Variants in ATAD3B observed in about 807,000 individuals in gnomAD.
The protein encoded by ATAD3B is ATPase family AAA domain-containing protein 3B.
Under a neutral mutation model 70.2 loss-of-function variants are expected in ATAD3B, and 59 were observed. That is an observed-to-expected ratio of 0.84 (90% confidence interval 0.68 to 1.04). The LOEUF (loss-of-function observed/expected upper bound fraction) is 1.04, where lower values mean the gene tolerates loss of function less well. Among genes scored for constraint, ATAD3B ranks in the 50% least tolerant of loss-of-function variants. ATAD3B has a pLI of 0.00. For missense variants in ATAD3B, 961 were observed against 913.4 expected (o/e 1.05, Z -0.67); for synonymous variants, 423 against 388.6 (o/e 1.09, Z -1.04).
intron 8 of ATAD3B, 63 bp from the exon 9 acceptor site, chr1:1,485,719 G>C: frequency 6.2e-7 from 1 of 1,605,038 alleles, no homozygotes; most frequent in Non-Finnish European, 8.5e-7. Flanking sequence ...ATGTGTGTGC[G>C]TTGGTGGCTG....
At chr1:1,474,438 C>G (rs1173150069) in intron 1 of ATAD3B, among the ~76,000 whole-genome samples, 1 of 151,776 alleles carries the variant, frequency 6.6e-6, no homozygotes. Flanking sequence ...GATCCACCCG[C>G]CTCGGCCACC....
intron 13 of ATAD3B, chr1:1,489,683 C>G: frequency 1.5e-6 from 2 of 1,317,610 alleles, no homozygotes; most frequent in Non-Finnish European, 2.0e-6. Flanking sequence ...GTCTCCTGGG[C>G]CCCTCCAGCC....
At chr1:1,474,874 G>A (rs1424588575) in intron 1 of ATAD3B, among the ~76,000 whole-genome samples, 16 of 151,194 alleles carry the variant, frequency 1.1e-4, no homozygotes, top group African/African-American at 2.5e-4. Flanking sequence ...GGAGGACAGC[G>A]GATGTTGGTG....
chr1:1,478,517 G>T lies in ATAD3B; in HGVS notation c.283-127G>T, dbSNP rs1482244841. On this transcript the variant is annotated intron_variant, in intron 2 of 15. Transcript: ENST00000673477. ...GGGTGCAGATGCAGCTGGAAGCCCT[G>T]AACCTGCTGCACACACTAGTCTGGG... The T allele has an allele frequency of 1.3e-4, 207 of 1,549,772 alleles. 4 individuals are homozygous for T. The highest frequency in any genetic ancestry group is 1.7e-4 in the Non-Finnish European group (192 of 1,145,958).
At position 1,488,059 on chromosome 1, in the gene ATAD3B, G is replaced by T. The variant is rs78271070; in HGVS notation, c.1266+145G>T. On this transcript the variant is annotated intron_variant, in intron 12 of 15. Coordinates refer to ENST00000673477, the MANE Select transcript of ATAD3B (RefSeq NM_031921.6). ...AACCTCTGCCTCCTGGGTTCAAGCT[G>T]CTCTCCTGCCTCAGCCCCCTGAGTA... is the stretch of plus-strand genomic sequence containing the variant. The T allele has an allele frequency of 5.0e-6, 6 of 1,191,464 alleles. No homozygotes were observed. In the African/African-American group the frequency reaches 5.9e-5, roughly 12 times the overall value. 73.8% of individuals were successfully genotyped at this position (1,191,464 alleles called of 1,614,324 possible). A position where few individuals can be genotyped will look rare whatever the true frequency, so the allele number is the denominator to read the frequency against.
intron 1 of ATAD3B, among the ~76,000 whole-genome samples, chr1:1,472,947 C>G (rs938888929): frequency 5.3e-5 from 8 of 151,460 alleles, no homozygotes; most frequent in African/African-American, 1.5e-4. Flanking sequence ...CGCAGCCTCT[C>G]GAGTAGCTGG....
At chr1:1,502,666 C>T (rs910809266), downstream of ATAD3B, among the ~76,000 whole-genome samples, 9 of 151,364 alleles carry the variant, frequency 5.9e-5, no homozygotes, top group Non-Finnish European at 1.3e-4. Context: ...CACAGGCCGA[C>T]ATGCCCGGCT....
intron 15 of ATAD3B, among the ~76,000 whole-genome samples, chr1:1,493,638 T>A (rs1343579162): frequency 6.6e-6 from 1 of 151,656 alleles, no homozygotes; most frequent in Non-Finnish European, 1.5e-5. Context: ...TTTTTTTTAA[T>A]CATAAAAGTG....
chr1:1,485,966 A>G, intron 9 of ATAD3B, 128 bp downstream of exon 9: 1 of 1,593,640 alleles, frequency 6.3e-7, no homozygotes, highest in Non-Finnish European at 8.6e-7. Flanking sequence ...AACTGCTTGG[A>G]CTGTGCCGGG....
Position 1,477,306 on chromosome 1 carries a change from A to T in ATAD3B, c.238A>T (p.Met80Leu). Residue 80 changes from methionine to leucine, a missense_variant, in exon 2 of 16, where the codon ATG becomes TTG. Transcript: ENST00000673477. Reference protein sequence around the residue: ...YAKEALNLAQMQEQTLQLEQQ... With the variant: ...YAKEALNLAQLQEQTLQLEQQ... Reference sequence around the variant, plus strand: ...CAAGGAGGCCCTGAATCTGGCGCAGATGCAGGAGCAGACGCTGCAGTTGGA... The same window carrying T: ...CAAGGAGGCCCTGAATCTGGCGCAGTTGCAGGAGCAGACGCTGCAGTTGGA... 6.2e-7 allele frequency: 1 copy of T among 1,612,426 alleles called. No homozygotes were observed. Among genetic ancestry groups the T allele is most frequent in the Non-Finnish European group, 8.5e-7 (1 of 1,179,732 alleles).
Position 1,495,671 on chromosome 1 carries a change from G to C in ATAD3B, c.1801G>C (p.Asp601His), listed in dbSNP as rs767907235. Residue 601 changes from aspartate (D) to histidine (H), a missense_variant, in exon 16 of 16, where the codon GAC (aspartate) becomes CAC (histidine). By Grantham distance (81) the Asp-to-His change is moderately conservative. Around this residue, in one of 4 missense-constraint regions of ATAD3B, gnomAD observed 417 missense variants for 335.0 expected, o/e 1.24. Coordinates refer to ENST00000673477, the MANE Select transcript of ATAD3B (RefSeq NM_031921.6). Reference sequence around the variant, plus strand: ...CCTCACCTCATGGAGCCTGGCCACGGACCCCTCCTACCCCTGCCTTGCCGG... The same window carrying C: ...CCTCACCTCATGGAGCCTGGCCACGCACCCCTCCTACCCCTGCCTTGCCGG... The part of the protein sequence containing the change: ...ETLTSWSLAT[D>H]PSYPCLAGPC... The C allele has an allele frequency of 1.4e-5, 22 of 1,612,830 alleles. No individual in the cohort carries two copies. In the East Asian group the frequency reaches 4.5e-4, roughly 33 times the overall value.
At chr1:1,499,161 CAG>C (rs887713351), downstream of ATAD3B, among the ~76,000 whole-genome samples, 3 of 150,496 alleles carry the variant, frequency 2.0e-5, no homozygotes, top group African/African-American at 4.9e-5. Flanking sequence ...TTAGTAGAGA[CAG>C]GGTTTCACCG....
chr1:1,500,650 T>G (rs1314197010), downstream of ATAD3B, among the ~76,000 whole-genome samples: 1 of 151,166 alleles, frequency 6.6e-6, no homozygotes, highest in African/African-American at 2.4e-5. Flanking sequence ...TGTATATATA[T>G]ATAAATGTAT....
Position 1,478,242 on chromosome 1 carries a change from C to A in ATAD3B, c.283-402C>A, listed in dbSNP as rs1639702183. 1.8e-5 allele frequency: 10 copies of A among 541,746 alleles called. No individual in the cohort carries two copies. In the South Asian group the frequency reaches 2.4e-4, roughly 13 times the overall value. The allele number at this position is 541,746 out of a possible 1,614,324, so 33.6% of individuals were successfully genotyped here. On this transcript the variant is annotated intron_variant, in intron 2 of 15. Coordinates refer to ENST00000673477, the MANE Select transcript of ATAD3B (RefSeq NM_031921.6). ...GAACTCCTGACCTCAGGTGATCCAG[C>A]CACTTTGGCCTCACAAAGTGCTGGG...
intron 7 of ATAD3B, 71 bp downstream of exon 7, chr1:1,482,685 G>A: frequency 6.2e-7 from 1 of 1,606,936 alleles, no homozygotes; most frequent in Non-Finnish European, 8.5e-7. Context: ...TGGAGCCCCA[G>A]GTCCTGTCCC....
At chr1:1,489,383 CAG>C in intron 13 of ATAD3B, 109 bp downstream of exon 13, 1 of 1,557,670 alleles carries the variant, frequency 6.4e-7, no homozygotes, top group African/African-American at 1.4e-5. Context: ...GCTGTGGCCT[CAG>C]TGTGCCCACC....
At chr1:1,481,837 G>T (rs1639918340) in intron 5 of ATAD3B, among the ~76,000 whole-genome samples, 1 of 152,150 alleles carries the variant, frequency 6.6e-6, no homozygotes, top group South Asian at 2.1e-4. Context: ...TGTGTCTGTG[G>T]CACGGGCCTG....
intron 2 of ATAD3B, chr1:1,478,036 C>G (rs1639689212): frequency 6.0e-6 from 1 of 165,456 alleles, no homozygotes; most frequent in Admixed American, 5.6e-5. Flanking sequence ...GAGTGTCACT[C>G]TGTCCCCCAG....
At chr1:1,491,656 C>T (rs1009690163) in intron 15 of ATAD3B, among the ~76,000 whole-genome samples, 1 of 152,062 alleles carries the variant, frequency 6.6e-6, no homozygotes, top group Non-Finnish European at 1.5e-5. Flanking sequence ...GTGTGACAAC[C>T]TGGTCACTCG....
Sources: allele counts gnomAD v4.1 joint callset (sites outside exome capture counted in the v4.1 genomes callset), GRCh38; gene constraint gnomAD v4.1.1; regional missense constraint gnomAD v4.1.1; transcripts MANE v1.5; gene names NCBI Gene and HGNC (gene_info 2026-07-23, HGNC 2026-07-21).